Variants in VAV2 observed in about 807,000 individuals in gnomAD.
VAV2 encodes the protein vav guanine nucleotide exchange factor 2.
In VAV2, 67 loss-of-function variants were observed where a neutral mutation model predicts 132.5. The observed-to-expected ratio is 0.51, with a 90% CI of 0.42 to 0.62. The LOEUF (loss-of-function observed/expected upper bound fraction) is 0.62. Among genes scored for constraint, VAV2 ranks in the 20% least tolerant of loss-of-function variants. The probability of loss-of-function intolerance (pLI) is 0.00; values close to 1 mark genes in which losing one functional copy is unlikely to be tolerated. For synonymous variants in VAV2, 492 were observed against 443.5 expected (o/e 1.11, Z -1.37); for missense variants, 938 against 1,153.6 (o/e 0.81, Z 2.71).
intron 2 of VAV2, among the ~76,000 whole-genome samples, chr9:133,893,330 G>A (rs1839055596): frequency 6.6e-6 from 1 of 152,210 alleles, no homozygotes; most frequent in South Asian, 2.1e-4. Flanking sequence ...AGGAAAGAAG[G>A]AAGGAGGCTC....
rs1257135980 is a variant in VAV2, at chr9:133,802,116, T to C, written c.836+3965A>G. Among the ~76,000 whole-genome samples, 1 of 151,992 alleles carries C rather than the reference T, an allele frequency of 6.6e-6. No homozygotes were observed. Among genetic ancestry groups the C allele is most frequent in the Non-Finnish European group, 1.5e-5 (1 of 68,010 alleles). ...GAGTCCCCAGGGGGCACAGTTTGACTTTTCCCCGAAAAATGGAGAGAAAAT... is the reference window on the plus strand; with the variant it reads ...GAGTCCCCAGGGGGCACAGTTTGACCTTTCCCCGAAAAATGGAGAGAAAAT... On this transcript the variant is annotated intron_variant, in intron 9 of 29. Coordinates refer to ENST00000371850, the MANE Select transcript of VAV2 (RefSeq NM_001134398.2). This position sits in a 1 kb window ranked among gnomAD's most constrained non-coding sequence, Gnocchi z 5.8.
chr9:133,958,595 C>CG (rs1167695291), intron 1 of VAV2, among the ~76,000 whole-genome samples: 1 of 150,286 alleles, frequency 6.7e-6, no homozygotes, highest in African/African-American at 2.4e-5. Context: ...CAGAGGCTGG[C>CG]GGGATCCTCC....
Position 133,804,589 on chromosome 9 carries a change from C to T in VAV2, c.836+1492G>A, listed in dbSNP as rs1477409363. On this transcript the variant is annotated intron_variant, in intron 9 of 29. Transcript: ENST00000371850. This position sits in a 1 kb window ranked among gnomAD's most constrained non-coding sequence, Gnocchi z 4.5. ...GCCATTCCTCCTCCAGGGCTTCAGC[C>T]TTTGACGGACCTCGAAGCAAACCAC... 6.6e-6 allele frequency among the ~76,000 whole-genome samples: 1 copy of T among 152,206 alleles called. No individual in the cohort carries two copies. Among genetic ancestry groups the T allele is most frequent in the Admixed American group, 6.5e-5 (1 of 15,280 alleles).
chr9:133,843,656 G>A (rs1375029679), intron 3 of VAV2, among the ~76,000 whole-genome samples: 1 of 152,214 alleles, frequency 6.6e-6, no homozygotes, highest in Non-Finnish European at 1.5e-5. Context: ...GGTATGTGAA[G>A]GAAGGAGGGG....
In VAV2 at chr9:133,883,377, G is replaced by A. The variant is rs943437269; in HGVS notation, c.322-21945C>T. ...TGTGCCAAGTGAGTGTGGGGCTGACGGGTGTGAGCCACAGTGGGCAGTCAG... is the reference window on the plus strand; with the variant it reads ...TGTGCCAAGTGAGTGTGGGGCTGACAGGTGTGAGCCACAGTGGGCAGTCAG... On this transcript the variant is annotated intron_variant, in intron 2 of 29. Coordinates refer to ENST00000371850, the MANE Select transcript of VAV2 (RefSeq NM_001134398.2). This position sits in a 1 kb window ranked among gnomAD's most constrained non-coding sequence, Gnocchi z 4.2. 7.2e-5 allele frequency among the ~76,000 whole-genome samples: 11 copies of A among 152,212 alleles called. No homozygotes were observed. Among genetic ancestry groups the A allele is most frequent in the Non-Finnish European group, 1.3e-4 (9 of 68,046 alleles).
intron 29 of VAV2, among the ~76,000 whole-genome samples, chr9:133,766,757 T>TAA (rs1305332996): frequency 1.4e-5 from 1 of 69,386 alleles, no homozygotes; most frequent in Non-Finnish European, 2.8e-5. Flanking sequence ...AAAGTATAAA[T>TAA]AAATATATAT....
intron 3 of VAV2, among the ~76,000 whole-genome samples, chr9:133,839,420 G>T (rs1456267764): frequency 6.6e-6 from 1 of 151,796 alleles, no homozygotes. Context: ...TTAATCCCCT[G>T]AAATGGCAGC....
At chr9:133,911,930 T>A (rs1839899432) in intron 2 of VAV2, among the ~76,000 whole-genome samples, 1 of 152,240 alleles carries the variant, frequency 6.6e-6, no homozygotes, top group African/African-American at 2.4e-5. Flanking sequence ...TTTTCTTTTT[T>A]TTTATTTCCA....
chr9:133,789,405 C>T (rs187487572), intron 13 of VAV2, 62 bp from the exon 14 acceptor site: 83 of 1,540,448 alleles, frequency 5.4e-5, no homozygotes, highest in East Asian at 9.0e-5. Context: ...CCTGACCGCA[C>T]GGGCAGGGCA....
At chr9:133,923,114 C>T (rs767451781) in intron 2 of VAV2, among the ~76,000 whole-genome samples, 4 of 152,144 alleles carry the variant, frequency 2.6e-5, no homozygotes, top group Admixed American at 6.6e-5. Flanking sequence ...ACTAATCATT[C>T]GGGGATACAA....
chr9:133,936,575 A>T (rs1486561847), intron 2 of VAV2, among the ~76,000 whole-genome samples: 1 of 152,170 alleles, frequency 6.6e-6, no homozygotes, highest in East Asian at 1.9e-4. Context: ...AAAATAGTGG[A>T]GAGAAAAACA....
At chr9:133,812,042 G>T in intron 5 of VAV2, 72 bp downstream of exon 5, 1 of 1,487,640 alleles carries the variant, frequency 6.7e-7, no homozygotes, top group Non-Finnish European at 9.4e-7. Context: ...GCTCGGTATT[G>T]TGTTAAGCAA....
chr9:133,910,079 G>A (rs1839823841), intron 2 of VAV2, among the ~76,000 whole-genome samples: 1 of 152,204 alleles, frequency 6.6e-6, no homozygotes, highest in Non-Finnish European at 1.5e-5. Flanking sequence ...TGGAGCTTCT[G>A]AAAAGTCGGC....
intron 3 of VAV2, among the ~76,000 whole-genome samples, chr9:133,856,332 C>A (rs1837383135): frequency 6.6e-6 from 1 of 152,210 alleles, no homozygotes; most frequent in Non-Finnish European, 1.5e-5. Context: ...GAGAGGGTGG[C>A]AGGGCTGGGC....
chr9:133,930,665 C>A (rs1588387038), intron 2 of VAV2, among the ~76,000 whole-genome samples: 2 of 152,272 alleles, frequency 1.3e-5, no homozygotes, highest in East Asian at 3.8e-4. Flanking sequence ...TGAGATGCAT[C>A]TTCTCTGTGC....
intron 4 of VAV2, among the ~76,000 whole-genome samples, chr9:133,817,490 T>C (rs1191245514): frequency 6.6e-6 from 1 of 152,122 alleles, no homozygotes; most frequent in African/African-American, 2.4e-5. Context: ...CCATCTCTAC[T>C]AAAAATACTC....
chr9:133,838,879 A>ATGGG (rs1836595249), intron 3 of VAV2, among the ~76,000 whole-genome samples: 1 of 102,404 alleles, frequency 9.8e-6, no homozygotes, highest in Non-Finnish European at 1.9e-5. Flanking sequence ...GGATGGATAG[A>ATGGG]TGGGTGGGTG....
intron 3 of VAV2, among the ~76,000 whole-genome samples, chr9:133,845,688 G>T (rs1206798748): frequency 6.6e-6 from 1 of 152,228 alleles, no homozygotes; most frequent in Non-Finnish European, 1.5e-5. Context: ...CTGTCTAGGA[G>T]CAGCCACTAC....
Position 133,825,575 on chromosome 9 carries a change from C to T in VAV2, c.449+8697G>A, listed in dbSNP as rs983708726. On this transcript the variant is annotated intron_variant, in intron 4 of 29. Transcript: ENST00000371850. Reference sequence around the variant, plus strand: ...GCTCAACTCGGGCTCCACACTCAGGCGTCCTCCACAACGCGGACCTCCCAG... The same window carrying T: ...GCTCAACTCGGGCTCCACACTCAGGTGTCCTCCACAACGCGGACCTCCCAG... Among the ~76,000 whole-genome samples the T allele has an allele frequency of 2.0e-5, 3 of 152,316 alleles. No individual in the cohort carries two copies. The South Asian group carries it at 6.2e-4, about 32-fold the overall frequency.
Sources: gnomAD v4.1 joint callset for allele counts (sites outside exome capture counted in the v4.1 genomes callset) on GRCh38, gnomAD v4.1.1 for gene constraint, Gnocchi (gnomAD v3.1) non-coding constraint, MANE v1.5 for transcripts, NCBI Gene and HGNC (gene_info 2026-07-23, HGNC 2026-07-21) for gene names.